The following USP6NL variants were observed in gnomAD, a reference collection of about 807,000 sequenced individuals.
USP6NL encodes USP6 N-terminal-like protein.
A neutral mutation model predicts 61.9 loss-of-function variants in USP6NL; 26 were observed. The ratio of observed to expected loss-of-function variants is 0.42; its 90% CI spans 0.31 to 0.58. The LOEUF (loss-of-function observed/expected upper bound fraction) is 0.58, where lower values mean the gene tolerates loss of function less well. Ranked by LOEUF, USP6NL falls within the 20% of genes least tolerant of loss-of-function variation. USP6NL has a pLI of 0.16. For synonymous variants in USP6NL, 432 were observed against 390.1 expected (o/e 1.11, Z -1.27); for missense variants, 1,114 against 1,034.3 (o/e 1.08, Z -1.06).
At position 11,561,627 on chromosome 10, in the gene USP6NL, T is replaced by C. The variant is rs1320008223; in HGVS notation, c.5-34060A>G. ...CATAATGCACTAACCTTTCTTCTAC[T>C]GACAGATAAGTTCTACTGGTTTGGG... On this transcript the variant is annotated intron_variant, in intron 2 of 14. Coordinates refer to ENST00000609104, the MANE Select transcript of USP6NL (RefSeq NM_014688.5). This position sits in a 1 kb window ranked among gnomAD's most constrained non-coding sequence, Gnocchi z 4.1. Among the ~76,000 whole-genome samples the C allele has an allele frequency of 6.6e-6, 1 of 152,246 alleles. No homozygotes were observed. The highest frequency in any genetic ancestry group is 1.5e-5 in the Non-Finnish European group (1 of 68,042).
rs776299907 is a variant in USP6NL at position 11,577,286 on chromosome 10, G to A, written c.4+20345C>T. ...TCACCATGTTAGCCAGGATGGTCTC[G>A]ATCTCCTGACCTCGTGATCCACCCA... is the stretch of plus-strand genomic sequence containing the variant. On this transcript the variant is annotated intron_variant, in intron 2 of 14. Transcript: ENST00000609104. 5.3e-5 allele frequency among the ~76,000 whole-genome samples: 8 copies of A among 152,038 alleles called. No individual in the cohort carries two copies. The East Asian group carries it at 1.2e-3, about 22-fold the overall frequency.
rs778881893 is a variant in USP6NL at position 11,528,253 on chromosome 10, A to G, written c.5-686T>C. On this transcript the variant is annotated intron_variant, in intron 2 of 14. Coordinates refer to ENST00000609104, the MANE Select transcript of USP6NL (RefSeq NM_014688.5). The surrounding 1 kb of genome is among the most constrained non-coding windows in gnomAD (Gnocchi z 4.6). ...ACATGAAATAGTATGAATATATACCATAAGTTTTTTTAAAAGATCAATAAC... is the reference window on the plus strand; with the variant it reads ...ACATGAAATAGTATGAATATATACCGTAAGTTTTTTTAAAAGATCAATAAC... Among the ~76,000 whole-genome samples the G allele has an allele frequency of 5.3e-5, 8 of 152,174 alleles. No homozygotes were observed. In the East Asian group the frequency reaches 9.6e-4, roughly 18 times the overall value.
rs1026627109 is a variant in USP6NL, at chr10:11,490,434, T to C, written c.543+398A>G. Among the ~76,000 whole-genome samples, 5 of 152,272 alleles carry C rather than the reference T, an allele frequency of 3.3e-5. No individual in the cohort carries two copies. The highest frequency in any genetic ancestry group is 3.4e-3 in the Middle Eastern group (1 of 294). On this transcript the variant is annotated intron_variant, in intron 9 of 14. Coordinates refer to ENST00000609104, the MANE Select transcript of USP6NL (RefSeq NM_014688.5). This position sits in a 1 kb window ranked among gnomAD's most constrained non-coding sequence, Gnocchi z 4.5. ...GACCTCACCTAATAGATAAATGTGA[T>C]TGTGAAAAGTAACCTCCCAAGAGCA...
chr10:11,466,981 G>C (rs1182083834), intron 14 of USP6NL, among the ~76,000 whole-genome samples: 1 of 152,188 alleles, frequency 6.6e-6, no homozygotes, highest in African/African-American at 2.4e-5. Flanking sequence ...GCTGTTTTTA[G>C]ACAGGTTCAA....
At position 11,465,307 on chromosome 10, in the gene USP6NL, G is replaced by T. The variant is rs1832403370; in HGVS notation, c.1079-1458C>A. 1.3e-5 allele frequency among the ~76,000 whole-genome samples: 2 copies of T among 152,086 alleles called. No homozygotes were observed. Among genetic ancestry groups the T allele is most frequent in the Admixed American group, 6.6e-5 (1 of 15,258 alleles). Reference sequence around the variant, plus strand: ...CAAAACATCCTTTTCAGGTTAGCAAGAAGAAACCTGATGAAAAACATAACC... The same window carrying T: ...CAAAACATCCTTTTCAGGTTAGCAATAAGAAACCTGATGAAAAACATAACC... On this transcript the variant is annotated intron_variant, in intron 14 of 14. Transcript: ENST00000609104. The surrounding 1 kb of genome is among the most constrained non-coding windows in gnomAD (Gnocchi z 4.5).
At chr10:11,512,144 C>T (rs1255399518) in intron 5 of USP6NL, among the ~76,000 whole-genome samples, 1 of 152,154 alleles carries the variant, frequency 6.6e-6, no homozygotes, top group African/African-American at 2.4e-5. Flanking sequence ...TTGCCATAGA[C>T]TCAACCACAA....
At chr10:11,464,277 A>G (rs545589793) in intron 14 of USP6NL, among the ~76,000 whole-genome samples, 6 of 152,320 alleles carry the variant, frequency 3.9e-5, no homozygotes, top group African/African-American at 1.4e-4. Context: ...CCTCATGTCT[A>G]TCTTAGAAAA....
At chr10:11,542,905 C>T (rs966181345) in intron 2 of USP6NL, among the ~76,000 whole-genome samples, 2 of 152,068 alleles carry the variant, frequency 1.3e-5, no homozygotes, top group Admixed American at 6.6e-5. Context: ...AACATGTCTC[C>T]GTCACCTCCT....
At position 11,592,167 on chromosome 10, in the gene USP6NL, C is replaced by T. The variant is rs1361195928; in HGVS notation, c.4+5464G>A. On this transcript the variant is annotated intron_variant, in intron 2 of 14. Coordinates refer to ENST00000609104, the MANE Select transcript of USP6NL (RefSeq NM_014688.5). The surrounding 1 kb of genome is among the most constrained non-coding windows in gnomAD (Gnocchi z 4.7). ...CATTACAGCCGTGAGCCACCACACT[C>T]GGCCTCAGAATTACTCACTTTTCTA... Among the ~76,000 whole-genome samples, 2 of 152,210 alleles carry T rather than the reference C, an allele frequency of 1.3e-5. No homozygotes were observed. The highest frequency in any genetic ancestry group is 4.8e-5 in the African/African-American group (2 of 41,460).
In USP6NL at chr10:11,561,016, G is replaced by C. The variant is rs1002100660; in HGVS notation, c.5-33449C>G. On this transcript the variant is annotated intron_variant, in intron 2 of 14. Transcript: ENST00000609104. The surrounding 1 kb of genome is among the most constrained non-coding windows in gnomAD (Gnocchi z 4.1). ...AAATGTATATGGGAAGAATTAAAAA[G>C]CAGTTAATCTACATCTATTTCGAGC... 2.0e-5 allele frequency among the ~76,000 whole-genome samples: 3 copies of C among 152,048 alleles called. No homozygotes were observed. The highest frequency in any genetic ancestry group is 7.2e-5 in the African/African-American group (3 of 41,412).
At chr10:11,576,107 T>TA (rs1837535377) in intron 2 of USP6NL, among the ~76,000 whole-genome samples, 1 of 150,086 alleles carries the variant, frequency 6.7e-6, no homozygotes, top group Non-Finnish European at 1.5e-5. Context: ...AAAAAAGCAA[T>TA]AATATTAACA....
chr10:11,516,718 A>T (rs1424813708), intron 5 of USP6NL, among the ~76,000 whole-genome samples: 1 of 152,226 alleles, frequency 6.6e-6, no homozygotes, highest in Non-Finnish European at 1.5e-5. Flanking sequence ...GTTATATCTT[A>T]TTTTAAAATA....
At chr10:11,515,687 G>A (rs749658566) in intron 5 of USP6NL, among the ~76,000 whole-genome samples, 48 of 152,324 alleles carry the variant, frequency 3.2e-4, no homozygotes, top group Non-Finnish European at 1.2e-4. Flanking sequence ...TCAAGTATGA[G>A]AGGAGGAAAA....
chr10:11,470,242 G>A lies in USP6NL; in HGVS notation c.1079-6393C>T, dbSNP rs565535001. On this transcript the variant is annotated intron_variant, in intron 14 of 14. Transcript: ENST00000609104. This position sits in a 1 kb window ranked among gnomAD's most constrained non-coding sequence, Gnocchi z 5.4. ...AGGGCATGAGGATGGAGAAGGTGGA[G>A]GATGGAGGCAGCCGCAGGGAACCTC... is the stretch of plus-strand genomic sequence containing the variant. Among the ~76,000 whole-genome samples, 2 of 152,302 alleles carry A rather than the reference G, an allele frequency of 1.3e-5. No homozygotes were observed. Among genetic ancestry groups the A allele is most frequent in the Non-Finnish European group, 2.9e-5 (2 of 68,024 alleles).
At chr10:11,541,261 ATATATATATATATATG>A (rs1836050578) in intron 2 of USP6NL, among the ~76,000 whole-genome samples, 1 of 130,602 alleles carries the variant, frequency 7.7e-6, no homozygotes, top group Non-Finnish European at 1.6e-5. Flanking sequence ...ATATATATAT[ATATATATATATATATG>A]TATGTCACTC....
chr10:11,577,937 AATACAGGTGATGTTATT>A (rs72460444), intron 2 of USP6NL, among the ~76,000 whole-genome samples: 17,141 of 152,044 alleles, frequency 0.11, 1,276 homozygotes, highest in East Asian at 0.16. Context: ...AAGAAAAAAA[AATACAGGTGATGTTATT>A]ATACAGGTGA....
intron 1 of USP6NL, among the ~76,000 whole-genome samples, chr10:11,604,188 T>C (rs576648437): frequency 2.0e-5 from 3 of 152,314 alleles, no homozygotes; most frequent in South Asian, 4.1e-4. Flanking sequence ...CACACGTTAG[T>C]ACTGATCCAT....
Position 11,504,242 on chromosome 10 carries a change from T to A in USP6NL, c.277-3034A>T, listed in dbSNP as rs796481936. On this transcript the variant is annotated intron_variant, in intron 6 of 14. Coordinates refer to ENST00000609104, the MANE Select transcript of USP6NL (RefSeq NM_014688.5). ...CAGTTACATATCTTTCTTCACAAAT[T>A]TTTAACTATCATAGAAGTTTTACAA... Among the ~76,000 whole-genome samples the A allele has an allele frequency of 2.4e-4, 36 of 152,290 alleles. 1 individual carries two copies. The highest frequency in any genetic ancestry group is 8.4e-4 in the African/African-American group (35 of 41,562).
rs977012138 is a variant in USP6NL at position 11,474,949 on chromosome 10, C to T, written c.1078+6821G>A. On this transcript the variant is annotated intron_variant, in intron 14 of 14. Coordinates refer to ENST00000609104, the MANE Select transcript of USP6NL (RefSeq NM_014688.5). This position sits in a 1 kb window ranked among gnomAD's most constrained non-coding sequence, Gnocchi z 4.9. The stretch of plus-strand genomic sequence containing the variant: ...ATGTTCTCCCGTAAGCACTGAAGTA[C>T]CCCGAAGGCTATGGCCATTTACCAA... Among the ~76,000 whole-genome samples the T allele has an allele frequency of 2.6e-5, 4 of 152,134 alleles. No individual in the cohort carries two copies.
Sources: allele counts gnomAD v4.1 joint callset (sites outside exome capture counted in the v4.1 genomes callset), GRCh38; gene constraint gnomAD v4.1.1; non-coding constraint Gnocchi (gnomAD v3.1); transcripts MANE v1.5; gene names NCBI Gene and HGNC (gene_info 2026-07-23, HGNC 2026-07-21).